Variants in GRIP1 observed in about 807,000 individuals in gnomAD.
GRIP1 encodes glutamate receptor-interacting protein 1.
A neutral mutation model predicts 129.9 loss-of-function variants in GRIP1; 45 were observed. The observed-to-expected ratio is 0.35, with a 90% CI of 0.27 to 0.44. GRIP1 has a LOEUF of 0.44. Among genes scored for constraint, GRIP1 ranks in the 20% least tolerant of loss-of-function variants. The pLI, the probability that GRIP1 is intolerant of heterozygous loss-of-function variation, is 1.00. For missense variants in GRIP1, 1,196 were observed against 1,396.8 expected, an observed-to-expected ratio of 0.86 and a Z score of 2.29; for synonymous variants, 530 against 520.8, an observed-to-expected ratio of 1.02 and a Z score of -0.24.
At chr12:66,451,393 T>TG (rs2058797906) in intron 11 of GRIP1, among the ~76,000 whole-genome samples, 3 of 53,572 alleles carry the variant, frequency 5.6e-5, no homozygotes, top group South Asian at 1.8e-3. Context: ...GTTTTTTTTT[T>TG]TTTTTTTTTT....
intron 1 of GRIP1, among the ~76,000 whole-genome samples, chr12:66,878,578 A>T (rs949257860): frequency 5.3e-5 from 8 of 152,048 alleles, no homozygotes; most frequent in African/African-American, 1.7e-4. Flanking sequence ...AGCCACACTG[A>T]GGAGTTGGGA....
chr12:66,698,478 C>T (rs916949384), intron 1 of GRIP1, among the ~76,000 whole-genome samples: 4 of 152,178 alleles, frequency 2.6e-5, no homozygotes, highest in South Asian at 2.1e-4. Context: ...ATTCTACACA[C>T]GCAAGGCAGA....
At chr12:66,470,689 G>A (rs2059415009) in intron 7 of GRIP1, among the ~76,000 whole-genome samples, 1 of 152,178 alleles carries the variant, frequency 6.6e-6, no homozygotes, top group Admixed American at 6.5e-5. Flanking sequence ...TGCTGTTTAA[G>A]TCAGGGTCCC....
chr12:66,516,739 C>T (rs1443304518), intron 6 of GRIP1, among the ~76,000 whole-genome samples: 3 of 152,160 alleles, frequency 2.0e-5, no homozygotes, highest in African/African-American at 7.2e-5. Flanking sequence ...AAAGGGGAAA[C>T]TCTTGGACAT....
intron 1 of GRIP1, among the ~76,000 whole-genome samples, chr12:66,726,708 C>T (rs919562415): frequency 6.6e-6 from 1 of 152,154 alleles, no homozygotes; most frequent in African/African-American, 2.4e-5. Context: ...CAATCATATA[C>T]GGAAACTACA....
intron 1 of GRIP1, among the ~76,000 whole-genome samples, chr12:66,662,216 G>A (rs1235933109): frequency 6.8e-6 from 1 of 146,784 alleles, no homozygotes; most frequent in Non-Finnish European, 1.5e-5. Flanking sequence ...CCCTCTAACT[G>A]TGGCTAATAT....
chr12:66,483,212 G>A lies in GRIP1; in HGVS notation c.725-17790C>T, dbSNP rs566132738. On this transcript the variant is annotated intron_variant, in intron 7 of 24. Coordinates refer to ENST00000359742, the MANE Select transcript of GRIP1 (RefSeq NM_001366722.1). The stretch of plus-strand genomic sequence containing the variant: ...CTTTTGGGAGCCTTTCAACTTGCTC[G>A]TTAGTTAACAGTATTTTTATTAATA... Among the ~76,000 whole-genome samples the A allele has an allele frequency of 3.3e-5, 5 of 152,174 alleles. No individual in the cohort carries two copies. In the East Asian group the frequency reaches 9.6e-4, roughly 29 times the overall value.
intron 1 of GRIP1, among the ~76,000 whole-genome samples, chr12:66,621,285 G>A (rs2065257206): frequency 6.6e-6 from 1 of 151,918 alleles, no homozygotes; most frequent in African/African-American, 2.4e-5. Flanking sequence ...CACAGTTCCT[G>A]GTAACCTCTA....
At chr12:66,461,856 G>C (rs1050102014) in intron 9 of GRIP1, among the ~76,000 whole-genome samples, 1 of 152,118 alleles carries the variant, frequency 6.6e-6, no homozygotes, top group Non-Finnish European at 1.5e-5. Context: ...TAAATATACA[G>C]AAATGCATTA....
intron 1 of GRIP1, among the ~76,000 whole-genome samples, chr12:66,948,395 A>T (rs1024589969): frequency 6.6e-6 from 1 of 152,164 alleles, no homozygotes; most frequent in Non-Finnish European, 1.5e-5. Flanking sequence ...AATTCTTGAC[A>T]TGGAAATTTA....
rs541545910 is a variant in GRIP1 at position 66,593,226 on chromosome 12, CTCCTAAGAGTGTTTAATCCAT to C, written c.136+3600_136+3620del. On this transcript the variant is annotated intron_variant, in intron 2 of 24. Transcript: ENST00000359742. ...CTTTATCGAAAGCAAACGCATTTTG[CTCCTAAGAGTGTTTAATCCAT>C]TTCCTTTTTCAGGAAGAGGAAAGGA... Among the ~76,000 whole-genome samples, 246 of 152,230 alleles carry C rather than the reference CTCCTAAGAGTGTTTAATCCAT, an allele frequency of 1.6e-3. 1 individual carries two copies. Among genetic ancestry groups the C allele is most frequent in the African/African-American group, 5.8e-3 (239 of 41,536 alleles).
chr12:66,731,411 G>C (rs1306871806), intron 1 of GRIP1, among the ~76,000 whole-genome samples: 1 of 152,184 alleles, frequency 6.6e-6, no homozygotes, highest in Non-Finnish European at 1.5e-5. Flanking sequence ...GGATGAAGGT[G>C]CTATAACCAC....
intron 1 of GRIP1, among the ~76,000 whole-genome samples, chr12:66,614,413 A>G (rs1376253169): frequency 6.6e-6 from 1 of 151,924 alleles, no homozygotes; most frequent in Non-Finnish European, 1.5e-5. Context: ...TCACACCAAA[A>G]ACATCTGGAT....
intron 1 of GRIP1, among the ~76,000 whole-genome samples, chr12:66,852,950 A>G (rs2039939841): frequency 6.6e-6 from 1 of 151,952 alleles, no homozygotes; most frequent in South Asian, 2.1e-4. Flanking sequence ...AACACAGACC[A>G]GCTTCCATTT....
At chr12:66,587,788 G>T (rs561102158) in intron 2 of GRIP1, among the ~76,000 whole-genome samples, 3 of 152,266 alleles carry the variant, frequency 2.0e-5, no homozygotes, top group East Asian at 3.9e-4. Context: ...ATGTGTCAGT[G>T]GTTTACATTC....
At chr12:66,441,303 A>C (rs1385774431) in intron 13 of GRIP1, among the ~76,000 whole-genome samples, 1 of 152,138 alleles carries the variant, frequency 6.6e-6, no homozygotes, top group Admixed American at 6.5e-5. Flanking sequence ...CTCAAGGTAC[A>C]CCTTCATCGC....
At chr12:66,704,698 CT>C (rs1452670940) in intron 1 of GRIP1, among the ~76,000 whole-genome samples, 1 of 152,068 alleles carries the variant, frequency 6.6e-6, no homozygotes, top group Non-Finnish European at 1.5e-5. Flanking sequence ...AAAAATGTTT[CT>C]TTTCTCTCAC....
chr12:66,460,222 T>C (rs1017296764), intron 9 of GRIP1, among the ~76,000 whole-genome samples: 1 of 152,188 alleles, frequency 6.6e-6, no homozygotes, highest in African/African-American at 2.4e-5. Context: ...TATGTCTAAG[T>C]CCCTTGTTAT....
chr12:66,977,443 T>G (rs1485351195), intron 1 of GRIP1, among the ~76,000 whole-genome samples: 1 of 152,036 alleles, frequency 6.6e-6, no homozygotes, highest in Non-Finnish European at 1.5e-5. Context: ...TACAGAAAAG[T>G]GTACAAATGA....
Sources: gnomAD v4.1 joint callset for allele counts (sites outside exome capture counted in the v4.1 genomes callset) on GRCh38, gnomAD v4.1.1 for gene constraint, MANE v1.5 for transcripts, NCBI Gene and HGNC (gene_info 2026-07-23, HGNC 2026-07-21) for gene names.